BCL7C: variants seen among roughly 807,000 people sequenced by gnomAD.
BCL7C encodes the protein BAF chromatin remodeling complex subunit BCL7C.
In BCL7C, 8 loss-of-function variants were observed where a neutral mutation model predicts 26.2. The observed-to-expected ratio is 0.30, with a 90% CI of 0.18 to 0.55. The LOEUF (loss-of-function observed/expected upper bound fraction) is 0.55. Ranked by LOEUF, BCL7C falls within the 20% of genes least tolerant of loss-of-function variation. BCL7C has a pLI of 0.93. For missense variants in BCL7C, 262 were observed against 298.5 expected (o/e 0.88, Z 0.90); for synonymous variants, 90 against 116.5 (o/e 0.77, Z 1.47).
chr16:30,836,440 T>A (rs1199297851), intron 5 of BCL7C, among the ~76,000 whole-genome samples: 5 of 150,204 alleles, frequency 3.3e-5, no homozygotes, highest in Admixed American at 3.3e-4. Flanking sequence ...GCTGCTGCAC[T>A]CCAGCCTGGG....
At position 30,888,842 on chromosome 16, in the gene BCL7C, C is replaced by A; in HGVS notation, c.528+18G>T. 6.2e-7 allele frequency: 1 copy of A among 1,612,938 alleles called. No individual in the cohort carries two copies. ...TTCCCTCCAAGACCCAGGAGTCCAGCCTTCTGGCCTCTCTCACCTCAGCTT... is the reference window on the plus strand; with the variant it reads ...TTCCCTCCAAGACCCAGGAGTCCAGACTTCTGGCCTCTCTCACCTCAGCTT... On this transcript the variant is annotated intron_variant, in intron 5 of 5. Transcript: ENST00000215115.
At chr16:30,842,713 C>T (rs149246169) in intron 5 of BCL7C, among the ~76,000 whole-genome samples, 5,154 of 152,238 alleles carry the variant, frequency 0.034, 275 homozygotes, top group African/African-American at 0.12. Flanking sequence ...GGACCACTGG[C>T]GCCCGCCACC....
chr16:30,892,815 C>A (rs769126498), intron 3 of BCL7C, 25 bp downstream of exon 3: 1 of 1,613,722 alleles, frequency 6.2e-7, no homozygotes, highest in Non-Finnish European at 8.5e-7. Flanking sequence ...CCCACAGCCC[C>A]CCGCGTTTCA....
intron 5 of BCL7C, among the ~76,000 whole-genome samples, chr16:30,836,675 C>T (rs534171367): frequency 1.6e-4 from 25 of 151,656 alleles, no homozygotes; most frequent in Non-Finnish European, 3.5e-4. Flanking sequence ...GGGGTTTTGC[C>T]ATGTTGCTCA....
downstream of BCL7C, among the ~76,000 whole-genome samples, chr16:30,887,096 G>T (rs2055144209): frequency 6.6e-6 from 1 of 152,090 alleles, no homozygotes; most frequent in African/African-American, 2.4e-5. Context: ...ATCACTTGTG[G>T]TCAGGAGTTT....
intron 4 of BCL7C, among the ~76,000 whole-genome samples, chr16:30,891,592 C>G (rs1313885544): frequency 6.6e-6 from 1 of 152,174 alleles, no homozygotes; most frequent in African/African-American, 2.4e-5. Context: ...ATGACTATCA[C>G]TATTATTTAT....
Position 30,840,257 on chromosome 16 carries a change from G to A in BCL7C, c.529-5109C>T, listed in dbSNP as rs144983949. 7.6e-3 allele frequency among the ~76,000 whole-genome samples: 1,034 copies of A among 135,962 alleles called. 10 individuals are homozygous for A. Among genetic ancestry groups the A allele is most frequent in the Middle Eastern group, 0.026 (6 of 232 alleles). 89.2% of individuals were successfully genotyped at this position (135,962 alleles called of 152,430 possible). A position where few individuals can be genotyped will look rare whatever the true frequency, so the allele number is the denominator to read the frequency against. ...TTTTGAGACAGAGTCTTGCTCTGTCGCTCAGGCTGGAGTGCAGTGGCATCA... is the reference window on the plus strand; with the variant it reads ...TTTTGAGACAGAGTCTTGCTCTGTCACTCAGGCTGGAGTGCAGTGGCATCA... On this transcript the variant is annotated intron_variant, in intron 5 of 5. Transcript: ENST00000380317.
At chr16:30,865,099 C>T (rs1201503401) in intron 5 of BCL7C, among the ~76,000 whole-genome samples, 1 of 142,752 alleles carries the variant, frequency 7.0e-6, no homozygotes, top group South Asian at 2.3e-4. Flanking sequence ...ACCTGGGAGG[C>T]GGAGCTTGCA....
chr16:30,887,783 C>T (rs935427700), downstream of BCL7C: 2 of 1,502,036 alleles, frequency 1.3e-6, no homozygotes, highest in African/African-American at 2.9e-5. Context: ...GGGGAAATGA[C>T]ATGACACAAA....
intron 5 of BCL7C, chr16:30,851,241 C>A: frequency 7.1e-6 from 2 of 283,566 alleles, no homozygotes; most frequent in South Asian, 3.7e-5. Context: ...CCAATTCGTT[C>A]AACATTTTTT....
chr16:30,881,782 C>T (rs1280620890), intron 5 of BCL7C, among the ~76,000 whole-genome samples: 1 of 152,198 alleles, frequency 6.6e-6, no homozygotes, highest in African/African-American at 2.4e-5. Context: ...TCCCTCACCT[C>T]CTTCCAGCTT....
In BCL7C at chr16:30,887,807, C is replaced by A. The variant is rs1365508406; in HGVS notation, c.*58G>T. On this transcript the variant is annotated 3_prime_UTR_variant, in exon 6 of 6. Transcript: ENST00000215115. Reference sequence around the variant, plus strand: ...ACATGACACAAAATTACAAAAGGGTCTTTATTTGTAAAAAGCCAAAGGGGC... The same window carrying A: ...ACATGACACAAAATTACAAAAGGGTATTTATTTGTAAAAAGCCAAAGGGGC... 3 of 1,529,946 alleles carry A rather than the reference C, an allele frequency of 2.0e-6. No homozygotes were observed. In the African/African-American group the frequency reaches 4.3e-5, roughly 22 times the overall value. The allele number at this position is 1,529,946 out of a possible 1,614,324, so 94.8% of individuals were successfully genotyped here. A position where few individuals can be genotyped will look rare whatever the true frequency, so the allele number is the denominator to read the frequency against.
chr16:30,893,358 C>T lies in BCL7C; in HGVS notation c.93-68G>A. 6.2e-6 allele frequency: 8 copies of T among 1,291,970 alleles called. No homozygotes were observed. The South Asian group carries it at 7.7e-5, about 12-fold the overall frequency. The allele number at this position is 1,291,970 out of a possible 1,614,324, so 80.0% of individuals were successfully genotyped here. A position where few individuals can be genotyped will look rare whatever the true frequency, so the allele number is the denominator to read the frequency against. The stretch of plus-strand genomic sequence containing the variant: ...GACCCACCCCCCTAGGAGCTGGACA[C>T]ATCTGGGGGTACCTGCAGAGGTTGA... On this transcript the variant is annotated intron_variant, in intron 1 of 5. Transcript: ENST00000215115. This position sits in a 1 kb window ranked among gnomAD's most constrained non-coding sequence, Gnocchi z 5.2.
At chr16:30,859,614 C>T (rs897938372) in intron 5 of BCL7C, among the ~76,000 whole-genome samples, 1 of 150,536 alleles carries the variant, frequency 6.6e-6, no homozygotes, top group Non-Finnish European at 1.5e-5. Context: ...CTAACTGATA[C>T]GATATATTCT....
rs147991176 is a variant in BCL7C at position 30,852,681 on chromosome 16, G to A, written c.529-17533C>T. On this transcript the variant is annotated intron_variant, in intron 5 of 5. Transcript: ENST00000380317. ...TAATTTTTGTATTTTTAGTAGAGACGGGGTTTCACCATATTGGTCGGGCTG... is the reference window on the plus strand; with the variant it reads ...TAATTTTTGTATTTTTAGTAGAGACAGGGTTTCACCATATTGGTCGGGCTG... 3.7e-3 allele frequency among the ~76,000 whole-genome samples: 563 copies of A among 151,758 alleles called. 10 individuals carry two copies. Among genetic ancestry groups the A allele is most frequent in the African/African-American group, 0.013 (539 of 41,362 alleles).
At chr16:30,863,201 G>A (rs1009997787) in intron 5 of BCL7C, among the ~76,000 whole-genome samples, 8 of 152,066 alleles carry the variant, frequency 5.3e-5, no homozygotes, top group Non-Finnish European at 8.8e-5. Context: ...AGTTCCACCA[G>A]GCCTAATCGC....
chr16:30,852,854 C>G (rs1217661927), intron 5 of BCL7C, among the ~76,000 whole-genome samples: 1 of 151,194 alleles, frequency 6.6e-6, no homozygotes, highest in Non-Finnish European at 1.5e-5. Context: ...TGTTATTACA[C>G]TTAGCTTAAA....
chr16:30,880,580 C>CT (rs918142932), intron 5 of BCL7C, among the ~76,000 whole-genome samples: 7 of 150,966 alleles, frequency 4.6e-5, no homozygotes, highest in African/African-American at 1.7e-4. Context: ...GCGGTTGACT[C>CT]TGGGGAGTTG....
At chr16:30,876,468 G>A (rs571899520) in intron 5 of BCL7C, among the ~76,000 whole-genome samples, 4 of 152,326 alleles carry the variant, frequency 2.6e-5, no homozygotes, top group African/African-American at 9.6e-5. Context: ...AAAGGGAGAT[G>A]TGCTTGCTTT....
Sources: gnomAD v4.1 joint callset for allele counts (sites outside exome capture counted in the v4.1 genomes callset) on GRCh38, gnomAD v4.1.1 for gene constraint, Gnocchi (gnomAD v3.1) non-coding constraint, MANE v1.5 for transcripts, NCBI Gene and HGNC (gene_info 2026-07-23, HGNC 2026-07-21) for gene names.